SYTL5: variants seen among roughly 807,000 people sequenced by gnomAD.
SYTL5 encodes synaptotagmin-like protein 5.
SYTL5 carries 34 observed loss-of-function variants against 55.9 expected under a neutral mutation model. That is an observed-to-expected ratio of 0.61 (90% CI 0.46 to 0.81). The LOEUF (loss-of-function observed/expected upper bound fraction) is 0.81, where lower values mean the gene tolerates loss of function less well. SYTL5 is among the 30% of genes least tolerant of loss of function. The probability of loss-of-function intolerance (pLI) is 0.00; values close to 1 mark genes in which losing one functional copy is unlikely to be tolerated. For synonymous variants in SYTL5, 221 were observed against 188.7 expected (o/e 1.17, Z -1.40); for missense variants, 637 against 546.7 (o/e 1.17, Z -1.65).
chrX:38,068,290 C>T (rs777799511), intron 3 of SYTL5, among the ~76,000 whole-genome samples: 10 of 111,625 alleles, frequency 9.0e-5, no homozygotes, highest in South Asian at 3.7e-4. Flanking sequence ...GCTGGTGAGT[C>T]GTGGAGAAAA....
At chrX:38,024,558 G>A (rs777004610) in intron 1 of SYTL5, among the ~76,000 whole-genome samples, 1 of 111,344 alleles carries the variant, frequency 9.0e-6, no homozygotes, top group Admixed American at 9.5e-5. Flanking sequence ...AAGTCACTGT[G>A]TGGCCTCAAA....
At chrX:37,950,334 G>T in the SYTL5 span, among the ~76,000 whole-genome samples, 1 of 111,423 alleles carries the variant, frequency 9.0e-6, no homozygotes, top group African/African-American at 3.3e-5. Context: ...ATATCTAAAA[G>T]ATATTGCTCT....
chrX:37,893,585 C>A, the SYTL5 span, among the ~76,000 whole-genome samples: 1 of 84,521 alleles, frequency 1.2e-5, no homozygotes, highest in Admixed American at 1.5e-4. Context: ...TATATATAAT[C>A]TATATATTAT....
At chrX:37,999,557 G>A in the SYTL5 span, among the ~76,000 whole-genome samples, 1 of 111,923 alleles carries the variant, frequency 8.9e-6, no homozygotes, top group Non-Finnish European at 1.9e-5. Flanking sequence ...CAGCTCAACT[G>A]TGAAGGGGAG....
chrX:38,127,268 T>C lies in SYTL5; in HGVS notation c.*538T>C, dbSNP rs1937679612. 8.9e-6 allele frequency: 1 copy of C among 112,009 alleles called. No individual in the cohort carries two copies. The highest frequency in any genetic ancestry group is 3.3e-5 in the African/African-American group (1 of 30,764). The allele number at this position is 112,009 out of a possible 1,213,427, so 9.2% of individuals were successfully genotyped here. On this transcript the variant is annotated 3_prime_UTR_variant, in exon 17 of 17. Coordinates refer to ENST00000297875, the MANE Select transcript of SYTL5 (RefSeq NM_138780.3). The stretch of plus-strand genomic sequence containing the variant: ...TAACCAAGTAGTATTTCAAGATGGA[T>C]TGACAGGGCTTTCTATGATTACTAT...
the SYTL5 span, among the ~76,000 whole-genome samples, chrX:37,978,654 G>C: frequency 8.9e-6 from 1 of 111,929 alleles, no homozygotes; most frequent in Non-Finnish European, 1.9e-5. Flanking sequence ...TAGACAAGTA[G>C]AAAGAGGAAA....
the SYTL5 span, among the ~76,000 whole-genome samples, chrX:37,996,153 C>G: frequency 8.9e-6 from 1 of 111,871 alleles, no homozygotes; most frequent in Non-Finnish European, 1.9e-5. Context: ...CAGCAGGAGG[C>G]ACTGCTATCC....
At chrX:37,945,216 T>C in the SYTL5 span, among the ~76,000 whole-genome samples, 1 of 112,163 alleles carries the variant, frequency 8.9e-6, no homozygotes, top group Non-Finnish European at 1.9e-5. Context: ...TGAGGGTTTT[T>C]AATTCAGTAA....
the SYTL5 span, among the ~76,000 whole-genome samples, chrX:37,942,750 A>C: frequency 2.7e-5 from 3 of 111,871 alleles, no homozygotes; most frequent in Non-Finnish European, 5.6e-5. Flanking sequence ...AAGGGAAAAA[A>C]TGGTGACAAC....
At chrX:38,073,480 T>C (rs1346169267) in intron 4 of SYTL5, 110 bp from the exon 5 acceptor site, 6 of 531,587 alleles carry the variant, frequency 1.1e-5, no homozygotes, top group Non-Finnish European at 1.5e-5. Context: ...CCAATTATTA[T>C]AGACTTCCTT....
At position 38,118,920 on chromosome X, in the gene SYTL5, A is replaced by AATATATATAT. The variant is rs61288420; in HGVS notation, c.1597-1427_1597-1418dup. On this transcript the variant is annotated intron_variant, in intron 13 of 16. Coordinates refer to ENST00000297875, the MANE Select transcript of SYTL5 (RefSeq NM_138780.3). ...CAGGTGCATGCCACCATGCCCAGCT[A>AATATATATAT]ATATATATATATATATATATGTACG... Among the ~76,000 whole-genome samples the AATATATATAT allele has an allele frequency of 5.8e-4, 52 of 88,988 alleles. 1 individual carries two copies. The highest frequency in any genetic ancestry group is 2.3e-3 in the African/African-American group (51 of 22,645). 77.3% of individuals were successfully genotyped at this position (88,988 alleles called of 115,157 possible). A position where few individuals can be genotyped will look rare whatever the true frequency, so the allele number is the denominator to read the frequency against.
rs189780198 is a variant in SYTL5, at chrX:38,090,873, G to A, written c.831+1286G>A. Among the ~76,000 whole-genome samples the A allele has an allele frequency of 5.2e-3, 586 of 112,117 alleles. 3 individuals are homozygous for A. The highest frequency in any genetic ancestry group is 0.023 in the Middle Eastern group (5 of 219). On this transcript the variant is annotated intron_variant, in intron 7 of 16. Transcript: ENST00000297875. ...ATGCCTCTAGAAGAACAGCCAGTGTGGAGCCCCTGAGGTGGGAGCACACCG... is the reference window on the plus strand; with the variant it reads ...ATGCCTCTAGAAGAACAGCCAGTGTAGAGCCCCTGAGGTGGGAGCACACCG...
At chrX:38,063,062 T>C in intron 3 of SYTL5, among the ~76,000 whole-genome samples, 1 of 109,884 alleles carries the variant, frequency 9.1e-6, no homozygotes, top group Middle Eastern at 4.7e-3. Context: ...TTACTGAGAC[T>C]CTCCATGATT....
the SYTL5 span, among the ~76,000 whole-genome samples, chrX:37,926,775 A>C: frequency 9.0e-6 from 1 of 111,619 alleles, no homozygotes; most frequent in African/African-American, 3.3e-5. Context: ...AACCGTGATA[A>C]TTTATTTCTG....
At chrX:37,943,754 T>G in the SYTL5 span, among the ~76,000 whole-genome samples, 1 of 111,469 alleles carries the variant, frequency 9.0e-6, no homozygotes, top group Admixed American at 9.5e-5. Flanking sequence ...TTAGCTCTGC[T>G]TCTGTCTGGC....
At chrX:37,968,509 GGGCACCC>G in the SYTL5 span, among the ~76,000 whole-genome samples, 1 of 111,208 alleles carries the variant, frequency 9.0e-6, no homozygotes, top group South Asian at 3.8e-4. Context: ...TCTGTGGGAG[GGGCACCC>G]ATGTAAAAAG....
At chrX:38,046,318 A>G (rs1331387096) in intron 2 of SYTL5, among the ~76,000 whole-genome samples, 1 of 112,079 alleles carries the variant, frequency 8.9e-6, no homozygotes, top group African/African-American at 3.2e-5. Flanking sequence ...TACAAAAGAA[A>G]AAGGTTTAAT....
intron 1 of SYTL5, among the ~76,000 whole-genome samples, chrX:38,031,954 G>A (rs192331437): frequency 8.9e-6 from 1 of 111,894 alleles, no homozygotes; most frequent in African/African-American, 3.2e-5. Context: ...CTGGCTCTTT[G>A]TCTGTAGGAA....
chrX:38,092,060 A>G (rs1721422970), intron 7 of SYTL5, among the ~76,000 whole-genome samples: 1 of 112,435 alleles, frequency 8.9e-6, no homozygotes, highest in African/African-American at 3.2e-5. Flanking sequence ...TTTATGAAGT[A>G]CATTTGCTCT....
Sources: gnomAD v4.1 joint callset for allele counts (sites outside exome capture counted in the v4.1 genomes callset) on GRCh38, gnomAD v4.1.1 for gene constraint, MANE v1.5 for transcripts, NCBI Gene and HGNC (gene_info 2026-07-23, HGNC 2026-07-21) for gene names.